Variants in MPP7 observed in about 807,000 individuals in gnomAD.
MPP7 encodes the protein MAGUK p55 subfamily member 7.
Under a neutral mutation model 76.5 loss-of-function variants are expected in MPP7, and 60 were observed. The ratio of observed to expected loss-of-function variants is 0.78; its 90% CI spans 0.64 to 0.97. The LOEUF (loss-of-function observed/expected upper bound fraction) is 0.97, where lower values mean the gene tolerates loss of function less well. Ranked by LOEUF, MPP7 falls within the 50% of genes least tolerant of loss-of-function variation. The pLI is 0.00. For missense variants in MPP7, 641 were observed against 694.0 expected (o/e 0.92, Z 0.86); for synonymous variants, 237 against 244.5 (o/e 0.97, Z 0.29).
At chr10:28,131,188 T>A (rs1190299875) in intron 6 of MPP7, among the ~76,000 whole-genome samples, 1 of 152,206 alleles carries the variant, frequency 6.6e-6, no homozygotes, top group Non-Finnish European at 1.5e-5. Flanking sequence ...CTGCTGTAAA[T>A]TAGTTTAAAT....
intron 2 of MPP7, among the ~76,000 whole-genome samples, chr10:28,235,157 G>A (rs774518772): frequency 3.3e-4 from 50 of 151,374 alleles, no homozygotes; most frequent in Non-Finnish European, 3.8e-4. Context: ...AATGAGAGAC[G>A]ACAACTAAAT....
chr10:28,294,118 T>C (rs1325993551), intron 1 of MPP7, among the ~76,000 whole-genome samples: 1 of 152,154 alleles, frequency 6.6e-6, no homozygotes, highest in Non-Finnish European at 1.5e-5. Context: ...CAATCCTGGC[T>C]AACACAGTGA....
intron 1 of MPP7, among the ~76,000 whole-genome samples, chr10:28,278,829 GAAA>G (rs796411250): frequency 8.3e-6 from 1 of 121,210 alleles, no homozygotes. Context: ...TTTTTAATCT[GAAA>G]AAAAAAAAAC....
intron 11 of MPP7, 52 bp from the exon 12 acceptor site, chr10:28,089,893 C>G (rs57764949): frequency 4.3e-5 from 41 of 961,000 alleles, no homozygotes; most frequent in Non-Finnish European, 6.0e-5. Flanking sequence ...AAAAAAGAAA[C>G]CCTCAAAAAA....
At chr10:28,209,098 A>T (rs1838044345) in intron 2 of MPP7, among the ~76,000 whole-genome samples, 1 of 152,140 alleles carries the variant, frequency 6.6e-6, no homozygotes, top group African/African-American at 2.4e-5. Context: ...AGGCCTCCTC[A>T]GAAGCAGATG....
chr10:28,140,254 T>C (rs1202128404), intron 5 of MPP7, among the ~76,000 whole-genome samples: 1 of 152,236 alleles, frequency 6.6e-6, no homozygotes, highest in Non-Finnish European at 1.5e-5. Context: ...CTACCGCCTA[T>C]AATCCTAACA....
chr10:28,213,384 A>T (rs377655206), intron 2 of MPP7, among the ~76,000 whole-genome samples: 1 of 152,078 alleles, frequency 6.6e-6, no homozygotes, highest in East Asian at 1.9e-4. Flanking sequence ...ACGTGGGGCA[A>T]ATGTGGTTGA....
At chr10:28,086,535 A>C (rs1296330322) in intron 12 of MPP7, among the ~76,000 whole-genome samples, 2 of 152,230 alleles carry the variant, frequency 1.3e-5, no homozygotes, top group African/African-American at 4.8e-5. Context: ...AGGAGAAGCG[A>C]AAATACCTCA....
rs1834735126 is a variant in MPP7 at position 28,118,721 on chromosome 10, T to C, written c.952+930A>G. 3 of 985,342 alleles carry C rather than the reference T, an allele frequency of 3.0e-6. No individual in the cohort carries two copies. In the African/African-American group the frequency reaches 5.2e-5, roughly 17 times the overall value. 61.0% of individuals were successfully genotyped at this position (985,342 alleles called of 1,614,324 possible). On this transcript the variant is annotated intron_variant, in intron 11 of 16. Transcript: ENST00000683449. The stretch of plus-strand genomic sequence containing the variant: ...AGGCTTTTGAATGAGTGCTCCACTT[T>C]AAGCATTTGCCTGCTTGTGAGATTT...
At chr10:28,109,863 A>AAAAAAAAAAAC (rs1564634813) in intron 11 of MPP7, among the ~76,000 whole-genome samples, 7 of 149,554 alleles carry the variant, frequency 4.7e-5, no homozygotes, top group African/African-American at 1.7e-4. Flanking sequence ...AAAAAAAAAA[A>AAAAAAAAAAAC]AAAAAAAAAA....
At chr10:28,239,151 A>ATTT (rs201574540) in intron 1 of MPP7, among the ~76,000 whole-genome samples, 2 of 146,002 alleles carry the variant, frequency 1.4e-5, no homozygotes, top group African/African-American at 5.1e-5. Flanking sequence ...TTTTATTTTT[A>ATTT]TTTTTTTTTT....
chr10:28,326,471 A>G (rs1834416842), intron 2 of MPP7, among the ~76,000 whole-genome samples: 1 of 152,178 alleles, frequency 6.6e-6, no homozygotes, highest in African/African-American at 2.4e-5. Flanking sequence ...AAAGAAACTT[A>G]CACTTCTACA....
chr10:28,216,450 C>T lies in MPP7; in HGVS notation c.38-14179G>A, dbSNP rs567908278. 2.3e-4 allele frequency among the ~76,000 whole-genome samples: 35 copies of T among 152,278 alleles called. No individual in the cohort carries two copies. The South Asian group carries it at 6.6e-3, about 29-fold the overall frequency. Reference sequence around the variant, plus strand: ...TACTGACAATATTGGCTGATGTAAACTGTACACCAGTGCACATTCTATATC... The same window carrying T: ...TACTGACAATATTGGCTGATGTAAATTGTACACCAGTGCACATTCTATATC... On this transcript the variant is annotated intron_variant, in intron 2 of 16. Coordinates refer to ENST00000683449, the MANE Select transcript of MPP7 (RefSeq NM_001318170.2).
upstream of MPP7, among the ~76,000 whole-genome samples, chr10:28,307,228 A>T (rs908745864): frequency 2.0e-5 from 3 of 152,172 alleles, no homozygotes; most frequent in Non-Finnish European, 4.4e-5. Context: ...CTAGAGGCCA[A>T]GGCCGAAGGC....
intron 3 of MPP7, among the ~76,000 whole-genome samples, chr10:28,190,765 C>G (rs1837386152): frequency 6.7e-6 from 1 of 150,328 alleles, no homozygotes; most frequent in African/African-American, 2.4e-5. Flanking sequence ...AAAAGAAGAG[C>G]AAGTAGAAGA....
intron 2 of MPP7, among the ~76,000 whole-genome samples, chr10:28,312,896 G>A (rs1045307315): frequency 2.6e-5 from 4 of 152,132 alleles, no homozygotes; most frequent in African/African-American, 9.7e-5. Context: ...GTAACTCCTT[G>A]TTCCACGTTG....
At chr10:28,095,222 T>TATATATATATATATATATATATAC (rs775763967) in intron 11 of MPP7, among the ~76,000 whole-genome samples, 4 of 136,710 alleles carry the variant, frequency 2.9e-5, no homozygotes, top group South Asian at 2.4e-4. Flanking sequence ...TATATATATA[T>TATATATATATATATATATATATAC]ACAGAAACAT....
At chr10:28,222,208 A>G (rs1348803402) in intron 2 of MPP7, among the ~76,000 whole-genome samples, 1 of 152,082 alleles carries the variant, frequency 6.6e-6, no homozygotes, top group East Asian at 1.9e-4. Context: ...TTAAAAAAAA[A>G]AAAAAGTGGC....
chr10:28,189,929 T>C (rs1204651567), intron 3 of MPP7, among the ~76,000 whole-genome samples: 2 of 152,074 alleles, frequency 1.3e-5, no homozygotes, highest in Non-Finnish European at 2.9e-5. Context: ...ATATGTTGTC[T>C]ATAAAAAACT....
Sources: allele counts gnomAD v4.1 joint callset (sites outside exome capture counted in the v4.1 genomes callset), GRCh38; gene constraint gnomAD v4.1.1; transcripts MANE v1.5; gene names NCBI Gene and HGNC (gene_info 2026-07-23, HGNC 2026-07-21).